The following UBE2R2 variants were observed in gnomAD, a reference collection of about 807,000 sequenced individuals.
The protein encoded by UBE2R2 is ubiquitin conjugating enzyme E2 R2.
Under a neutral mutation model 27.8 loss-of-function variants are expected in UBE2R2, and 1 was observed. The observed-to-expected ratio is 0.04, with a 90% CI of 0.01 to 0.17. UBE2R2 has a LOEUF of 0.17. Ranked by LOEUF, UBE2R2 falls within the 10% of genes least tolerant of loss-of-function variation. The probability of loss-of-function intolerance (pLI) is 1.00; values close to 1 mark genes in which losing one functional copy is unlikely to be tolerated. For synonymous variants in UBE2R2, 106 were observed against 113.3 expected (o/e 0.94, Z 0.41); for missense variants, 100 against 291.0 (o/e 0.34, Z 4.78).
intron 1 of UBE2R2, among the ~76,000 whole-genome samples, chr9:33,864,087 A>G (rs1821307271): frequency 6.6e-6 from 1 of 152,128 alleles, no homozygotes; most frequent in South Asian, 2.1e-4. Context: ...TCAGCCTCCT[A>G]AAGTGCTGGG....
intron 2 of UBE2R2, among the ~76,000 whole-genome samples, chr9:33,891,476 C>T (rs1194956088): frequency 1.3e-5 from 2 of 151,924 alleles, no homozygotes; most frequent in Non-Finnish European, 1.5e-5. Flanking sequence ...TGAAATCCCA[C>T]CTCTACTAAA....
chr9:33,899,353 C>T (rs1822194639), intron 2 of UBE2R2, among the ~76,000 whole-genome samples: 1 of 152,048 alleles, frequency 6.6e-6, no homozygotes, highest in Non-Finnish European at 1.5e-5. Context: ...GCGCGTGCCA[C>T]CACGCCCGGC....
At chr9:33,888,314 C>A (rs201885009) in intron 2 of UBE2R2, among the ~76,000 whole-genome samples, 18 of 116,130 alleles carry the variant, frequency 1.5e-4, no homozygotes, top group Middle Eastern at 5.4e-3. Context: ...AACAAAAAAA[C>A]AAACAAAAAA....
At chr9:33,861,486 G>T (rs1037222656) in intron 1 of UBE2R2, among the ~76,000 whole-genome samples, 2 of 151,886 alleles carry the variant, frequency 1.3e-5, no homozygotes, top group Non-Finnish European at 2.9e-5. Flanking sequence ...TGAGGCACAC[G>T]AATCTCTTGA....
chr9:33,896,102 A>G (rs56076021), intron 2 of UBE2R2, among the ~76,000 whole-genome samples: 2,340 of 152,194 alleles, frequency 0.015, 20 homozygotes, highest in Middle Eastern at 0.027. Context: ...ACAATTATCA[A>G]TGGAATTGTT....
upstream of UBE2R2, among the ~76,000 whole-genome samples, chr9:33,816,410 T>C (rs554088129): frequency 6.6e-6 from 1 of 152,308 alleles, no homozygotes; most frequent in African/African-American, 2.4e-5. Flanking sequence ...GTAGTTTATT[T>C]TACAAATGGC....
At chr9:33,876,691 G>A (rs973898412) in intron 1 of UBE2R2, among the ~76,000 whole-genome samples, 15 of 152,182 alleles carry the variant, frequency 9.9e-5, no homozygotes, top group African/African-American at 3.1e-4. Context: ...CGAGGTGGGC[G>A]GATCACGAGG....
rs1377052134 is a variant in UBE2R2, at chr9:33,919,421, C to A, written c.*2184C>A. ...CTCACTCCCAGGGCAGCCCCAGCACCCTGGCATTGCGGGAGGTGCTCTGCT... is the reference window on the plus strand; with the variant it reads ...CTCACTCCCAGGGCAGCCCCAGCACACTGGCATTGCGGGAGGTGCTCTGCT... On this transcript the variant is annotated 3_prime_UTR_variant, in exon 5 of 5. Coordinates refer to ENST00000263228, the MANE Select transcript of UBE2R2 (RefSeq NM_017811.4). 6.6e-6 allele frequency: 1 copy of A among 152,240 alleles called. No homozygotes were observed. Among genetic ancestry groups the A allele is most frequent in the Non-Finnish European group, 1.5e-5 (1 of 68,076 alleles). The allele number at this position is 152,240 out of a possible 1,614,324, so 9.4% of individuals were successfully genotyped here.
intron 1 of UBE2R2, among the ~76,000 whole-genome samples, chr9:33,823,225 A>C (rs1820197085): frequency 6.6e-6 from 1 of 150,442 alleles, no homozygotes; most frequent in East Asian, 2.0e-4. Flanking sequence ...TATTTTAGAG[A>C]CAGAGTCTCG....
rs914540822 is a variant in UBE2R2, at chr9:33,917,620, G to A, written c.*383G>A. On this transcript the variant is annotated 3_prime_UTR_variant, in exon 5 of 5. Transcript: ENST00000263228. ...TTTCAAGATGTTTAATGTGTTTAAA[G>A]CTGGGAACCTGTTGGGAGTTCACAA... 1.1e-5 allele frequency: 4 copies of A among 369,620 alleles called. No individual in the cohort carries two copies. The highest frequency in any genetic ancestry group is 1.9e-5 in the Non-Finnish European group (4 of 208,336). 22.9% of individuals were successfully genotyped at this position (369,620 alleles called of 1,614,324 possible). A position where few individuals can be genotyped will look rare whatever the true frequency, so the allele number is the denominator to read the frequency against.
chr9:33,839,914 T>C (rs1214997279), intron 1 of UBE2R2, among the ~76,000 whole-genome samples: 1 of 152,076 alleles, frequency 6.6e-6, no homozygotes, highest in Non-Finnish European at 1.5e-5. Flanking sequence ...GAGGATTGCT[T>C]GAGCACAGAA....
chr9:33,822,296 G>T (rs1420728083), intron 1 of UBE2R2, among the ~76,000 whole-genome samples: 1 of 151,558 alleles, frequency 6.6e-6, no homozygotes, highest in African/African-American at 2.4e-5. Flanking sequence ...TCTCCATGTT[G>T]GTTAGGCTGG....
chr9:33,858,544 A>G (rs1055307492), intron 1 of UBE2R2, among the ~76,000 whole-genome samples: 6 of 151,950 alleles, frequency 3.9e-5, no homozygotes, highest in African/African-American at 1.2e-4. Flanking sequence ...CCCACTAAGT[A>G]GCTGGGATGC....
At position 33,912,108 on chromosome 9, in the gene UBE2R2, T is replaced by A; in HGVS notation, c.497+10T>A. 6.3e-7 allele frequency: 1 copy of A among 1,598,780 alleles called. No individual in the cohort carries two copies. On this transcript the variant is annotated intron_variant, in intron 4 of 4. Transcript: ENST00000263228. Reference sequence around the variant, plus strand: ...ATGCTGAAATTATTAGGTAAGGTTTTTTTTTTTATTACCTCAAGTTATACA... The same window carrying A: ...ATGCTGAAATTATTAGGTAAGGTTTATTTTTTTATTACCTCAAGTTATACA...
intron 1 of UBE2R2, among the ~76,000 whole-genome samples, chr9:33,835,199 G>A (rs2252125): frequency 0.059 from 8,526 of 145,614 alleles, 578 homozygotes; most frequent in African/African-American, 0.17. Context: ...CTAGGCTGGA[G>A]TTTAATGGCA....
chr9:33,915,192 G>A (rs1822614134), intron 4 of UBE2R2, among the ~76,000 whole-genome samples: 1 of 151,954 alleles, frequency 6.6e-6, no homozygotes, highest in Non-Finnish European at 1.5e-5. Context: ...TGAGGTAGTA[G>A]TAATGGGGAT....
intron 1 of UBE2R2, among the ~76,000 whole-genome samples, chr9:33,879,866 CTTTAT>C (rs1198842504): frequency 7.0e-6 from 1 of 141,890 alleles, no homozygotes. Flanking sequence ...GTCCTTTCCT[CTTTAT>C]TTTGTTTGTT....
intron 1 of UBE2R2, among the ~76,000 whole-genome samples, chr9:33,832,367 A>T (rs963220832): frequency 6.7e-6 from 1 of 149,336 alleles, no homozygotes; most frequent in Non-Finnish European, 1.5e-5. Context: ...CTTTAATCAA[A>T]TTTTTTCGGC....
At chr9:33,823,763 G>T (rs1290075830) in intron 1 of UBE2R2, among the ~76,000 whole-genome samples, 4 of 152,202 alleles carry the variant, frequency 2.6e-5, no homozygotes, top group Non-Finnish European at 4.4e-5. Context: ...GAGAAAATGG[G>T]TACACGTAAA....
Sources: allele counts gnomAD v4.1 joint callset (sites outside exome capture counted in the v4.1 genomes callset), GRCh38; gene constraint gnomAD v4.1.1; transcripts MANE v1.5; gene names NCBI Gene and HGNC (gene_info 2026-07-23, HGNC 2026-07-21).